NALCN: variants seen among roughly 807,000 people sequenced by gnomAD.
NALCN encodes sodium leak channel, non-selective.
NALCN carries 111 observed loss-of-function variants against 225.3 expected under a neutral mutation model. The ratio of observed to expected loss-of-function variants is 0.49; its 90% CI spans 0.42 to 0.58. The LOEUF is 0.58. NALCN is among the 20% of genes least tolerant of loss of function. The pLI is 0.00. For missense variants in NALCN, 1,378 were observed against 2,202.4 expected (o/e 0.63, Z 7.49); for synonymous variants, 764 against 769.0 (o/e 0.99, Z 0.11).
Position 101,392,727 on chromosome 13 carries a change from C to A in NALCN, c.291+2456G>T, listed in dbSNP as rs138594551. Reference sequence around the variant, plus strand: ...ATTACAAAGAAAAAGACAAATCTTTCTTTATTTGAATATGATATGATCATA... The same window carrying A: ...ATTACAAAGAAAAAGACAAATCTTTATTTATTTGAATATGATATGATCATA... On this transcript the variant is annotated intron_variant, in intron 3 of 43. Transcript: ENST00000251127. Among the ~76,000 whole-genome samples, 793 of 152,214 alleles carry A rather than the reference C, an allele frequency of 5.2e-3. 8 individuals are homozygous for A. Among genetic ancestry groups the A allele is most frequent in the African/African-American group, 0.018 (747 of 41,556 alleles).
chr13:101,393,077 G>C (rs1414976218), intron 3 of NALCN, among the ~76,000 whole-genome samples: 1 of 152,120 alleles, frequency 6.6e-6, no homozygotes, highest in Non-Finnish European at 1.5e-5. Flanking sequence ...CACAAACAAA[G>C]CCAATCACAA....
chr13:101,104,444 C>CAGTT lies in NALCN; in HGVS notation c.2758-22_2758-19dup. On this transcript the variant is annotated intron_variant, in intron 24 of 43. Coordinates refer to ENST00000251127, the MANE Select transcript of NALCN (RefSeq NM_052867.4). The surrounding 1 kb of genome is among the most constrained non-coding windows in gnomAD (Gnocchi z 4.2). ...TCAGCAATCTGAAACGGGCAAAAGG[C>CAGTT]AGTTTGGTTACAATGAACGGAAAAA... The CAGTT allele has an allele frequency of 6.2e-7, 1 of 1,612,302 alleles. No individual in the cohort carries two copies. The highest frequency in any genetic ancestry group is 1.7e-4 in the Middle Eastern group (1 of 6,046).
chr13:101,412,593 C>T (rs1029137085), intron 1 of NALCN, among the ~76,000 whole-genome samples: 8 of 152,344 alleles, frequency 5.3e-5, no homozygotes, highest in African/African-American at 1.7e-4. Flanking sequence ...TTCAACTTCG[C>T]TCCTTCATAC....
chr13:101,283,408 T>G (rs533791836), intron 10 of NALCN, among the ~76,000 whole-genome samples: 2 of 152,268 alleles, frequency 1.3e-5, no homozygotes, highest in East Asian at 3.9e-4. Flanking sequence ...GACGTGAGAC[T>G]CCATCTTCTA....
At chr13:101,117,847 C>T (rs1002328539) in intron 18 of NALCN, among the ~76,000 whole-genome samples, 5 of 152,104 alleles carry the variant, frequency 3.3e-5, no homozygotes, top group Non-Finnish European at 5.9e-5. Flanking sequence ...TCTATGGAGA[C>T]ACATATCTAT....
intron 13 of NALCN, among the ~76,000 whole-genome samples, chr13:101,197,307 C>G (rs12860797): frequency 1.3e-5 from 2 of 151,902 alleles, no homozygotes; most frequent in Non-Finnish European, 2.9e-5. Context: ...CTCCGCGACC[C>G]TTTCCTTTTC....
intron 11 of NALCN, among the ~76,000 whole-genome samples, chr13:101,252,071 T>A (rs1363873282): frequency 6.6e-6 from 1 of 152,214 alleles, no homozygotes; most frequent in Non-Finnish European, 1.5e-5. Flanking sequence ...TGATAAATCA[T>A]GTTATTGCCA....
intron 25 of NALCN, 109 bp from the exon 26 acceptor site, chr13:101,103,448 C>T: frequency 7.6e-7 from 1 of 1,318,948 alleles, no homozygotes; most frequent in South Asian, 1.5e-5. Context: ...ATTCCACTCA[C>T]TGGTTGTACG....
At chr13:101,351,323 G>A (rs950930771) in intron 6 of NALCN, among the ~76,000 whole-genome samples, 5 of 152,064 alleles carry the variant, frequency 3.3e-5, no homozygotes, top group African/African-American at 1.2e-4. Context: ...TAGAATCCCT[G>A]GGAGCAGCTA....
chr13:101,142,440 C>A (rs900063121), intron 17 of NALCN, among the ~76,000 whole-genome samples: 1 of 151,894 alleles, frequency 6.6e-6, no homozygotes, highest in African/African-American at 2.4e-5. Flanking sequence ...TGGCACACAG[C>A]CCTTATATTA....
At chr13:101,404,706 C>T (rs1594791389) in intron 1 of NALCN, among the ~76,000 whole-genome samples, 1 of 152,186 alleles carries the variant, frequency 6.6e-6, no homozygotes, top group East Asian at 1.9e-4. Context: ...TGGCTGCTTA[C>T]ACATGGTTTT....
intron 17 of NALCN, among the ~76,000 whole-genome samples, chr13:101,134,623 G>A (rs1390185700): frequency 1.3e-5 from 2 of 152,092 alleles, no homozygotes; most frequent in East Asian, 3.9e-4. Flanking sequence ...TACAAAGAGG[G>A]ACTGCTTATT....
At chr13:101,247,175 G>A (rs996418161) in intron 11 of NALCN, among the ~76,000 whole-genome samples, 2 of 152,164 alleles carry the variant, frequency 1.3e-5, no homozygotes, top group East Asian at 3.9e-4. Context: ...GGACTAGAAT[G>A]GGTTTCTCTG....
intron 6 of NALCN, among the ~76,000 whole-genome samples, chr13:101,351,026 C>T (rs2045893020): frequency 6.6e-6 from 1 of 152,070 alleles, no homozygotes; most frequent in African/African-American, 2.4e-5. Flanking sequence ...TATGTATATA[C>T]ACATACATAT....
chr13:101,083,033 C>G, intron 32 of NALCN, 59 bp downstream of exon 32: 1 of 1,571,898 alleles, frequency 6.4e-7, no homozygotes, highest in Non-Finnish European at 8.8e-7. Flanking sequence ...TTGTGATACT[C>G]TCGGATGTAG....
intron 11 of NALCN, among the ~76,000 whole-genome samples, chr13:101,242,750 A>G (rs2041791470): frequency 9.4e-6 from 1 of 106,358 alleles, no homozygotes; most frequent in African/African-American, 3.4e-5. Context: ...AAATAAATAC[A>G]AAGGGTTTTA....
chr13:101,261,517 C>A (rs183167877), intron 10 of NALCN, among the ~76,000 whole-genome samples: 1 of 152,044 alleles, frequency 6.6e-6, no homozygotes, highest in East Asian at 1.9e-4. Context: ...GTGTCCTCTT[C>A]GATTTCTTTC....
rs1400055770 is a variant in NALCN at position 101,176,378 on chromosome 13, T to TA, written c.1765-5dup. ...CAACAAACAAACTCAGGAGGATCTA[T>TA]AAAATGGTGAAATAACAATGAAAAA... On this transcript the variant is annotated splice_region_variant and splice_polypyrimidine_tract_variant and intron_variant, in intron 14 of 43. Coordinates refer to ENST00000251127, the MANE Select transcript of NALCN (RefSeq NM_052867.4). 5 of 1,587,830 alleles carry TA rather than the reference T, an allele frequency of 3.1e-6. No individual in the cohort carries two copies. In the African/African-American group the frequency reaches 6.8e-5, roughly 22 times the overall value.
intron 18 of NALCN, among the ~76,000 whole-genome samples, chr13:101,117,954 A>G (rs752155498): frequency 1.3e-5 from 2 of 152,204 alleles, no homozygotes; most frequent in African/African-American, 2.4e-5. Flanking sequence ...TGGAGCACAG[A>G]GGATTTTTAG....
Sources: gnomAD v4.1 joint callset for allele counts (sites outside exome capture counted in the v4.1 genomes callset) on GRCh38, gnomAD v4.1.1 for gene constraint, Gnocchi (gnomAD v3.1) non-coding constraint, MANE v1.5 for transcripts, NCBI Gene and HGNC (gene_info 2026-07-23, HGNC 2026-07-21) for gene names.